SPTBN5: variants seen among roughly 807,000 people sequenced by gnomAD.
SPTBN5 encodes spectrin beta chain, non-erythrocytic 5.
SPTBN5 carries 513 observed loss-of-function variants against 477.6 expected under a neutral mutation model. The ratio of observed to expected loss-of-function variants is 1.07; its 90% CI spans 1.00 to 1.16. The LOEUF (loss-of-function observed/expected upper bound fraction) is 1.16, where lower values mean the gene tolerates loss of function less well. SPTBN5 is among the 50% of genes most tolerant of loss of function. SPTBN5 has a pLI of 0.00. For missense variants in SPTBN5, 5,062 were observed against 4,731.8 expected, an observed-to-expected ratio of 1.07 and a Z score of -2.05; for synonymous variants, 2,169 against 2,011.7, an observed-to-expected ratio of 1.08 and a Z score of -2.09.
At position 41,887,915 on chromosome 15, in the gene SPTBN5, G is replaced by A. The variant is rs867128210; in HGVS notation, c.659+13C>T. On this transcript the variant is annotated intron_variant, in intron 5 of 67. Coordinates refer to ENST00000320955, the MANE Select transcript of SPTBN5 (RefSeq NM_016642.4). ...CAGTGGGCAGAGGCCTCCTGACAAG[G>A]GTGGGGTCACACCTGTGGGCATGGA... is the stretch of plus-strand genomic sequence containing the variant. 4.4e-6 allele frequency: 7 copies of A among 1,605,962 alleles called. No individual in the cohort carries two copies. Among genetic ancestry groups the A allele is most frequent in the Non-Finnish European group, 6.0e-6 (7 of 1,176,442 alleles).
In SPTBN5 at chr15:41,867,055, C is replaced by A; in HGVS notation, c.6384G>T (p.Leu2128=). Residue 2128 remains leucine, a synonymous_variant, in exon 36 of 68, where the codon CTG becomes CTT. Transcript: ENST00000320955. ...GCTCCTTCACTCTCATCCGGCGCTGCAGCAGGATGGGAAGCCGGTCCCGCA... is the reference window on the plus strand; with the variant it reads ...GCTCCTTCACTCTCATCCGGCGCTGAAGCAGGATGGGAAGCCGGTCCCGCA... ...PRVRDRLPIL[L]QRRMRVKELA... is the part of the protein sequence containing the mutation. 6.4e-7 allele frequency: 1 copy of A among 1,551,350 alleles called. No individual in the cohort carries two copies. Among genetic ancestry groups the A allele is most frequent in the South Asian group, 1.2e-5 (1 of 84,234 alleles).
At position 41,857,693 on chromosome 15, in the gene SPTBN5, C is replaced by T. The variant is rs376295429; in HGVS notation, c.8244G>A (p.Leu2748=). 1.6e-4 allele frequency: 248 copies of T among 1,578,000 alleles called. No individual in the cohort carries two copies. In the African/African-American group the frequency reaches 2.7e-3, roughly 17 times the overall value. ...QELQREGQRL[L]QGGHPASEAI... is the part of the protein sequence containing the mutation. ...CCTCCGAGGCTGGGTGGCCCCCCTG[C>T]AGCAGCCTCTGTCCCTCCTGCAGCC... The change falls in exon 50 of 68, where the codon CTG becomes CTA. Residue 2748 remains leucine, a synonymous_variant. Transcript: ENST00000320955.
chr15:41,858,021 G>A (rs531251193), intron 49 of SPTBN5, among the ~76,000 whole-genome samples: 26 of 152,338 alleles, frequency 1.7e-4, no homozygotes, highest in African/African-American at 6.0e-4. Flanking sequence ...GCTATGCTGG[G>A]CACAGTGGCT....
chr15:41,865,786 C>T (rs1240327227), intron 39 of SPTBN5, 22 bp downstream of exon 39: 1 of 1,547,204 alleles, frequency 6.5e-7, no homozygotes, highest in Non-Finnish European at 8.7e-7. Context: ...TGGCCAACCT[C>T]TACCCAGCAA....
chr15:41,876,909 G>C lies in SPTBN5; in HGVS notation c.3751C>G (p.Arg1251Gly), dbSNP rs372410327. 16 of 1,610,136 alleles carry C rather than the reference G, an allele frequency of 9.9e-6. No individual in the cohort carries two copies. The Admixed American group carries it at 2.0e-4, about 20-fold the overall frequency. ...GTGCTCAGGAGCCGCCCAAACTCCC[G>C]GTGCTGCTGCAGCAGGCTCAGGGCC... Reference protein sequence around the residue: ...REALSLLQQHREFGRLLSTLG... With the variant: ...REALSLLQQHGEFGRLLSTLG... Residue 1251 changes from arginine to glycine, a missense_variant, in exon 19 of 68, where the codon CGG becomes GGG. Transcript: ENST00000320955.
intron 58 of SPTBN5, 63 bp from the exon 59 acceptor site, chr15:41,853,510 G>A: frequency 1.3e-6 from 2 of 1,535,730 alleles, no homozygotes; most frequent in Non-Finnish European, 1.8e-6. Flanking sequence ...GGAGGGTCCA[G>A]CTCCCCCAAG....
At position 41,890,137 on chromosome 15, in the gene SPTBN5, G is replaced by C. The variant is rs1308603061; in HGVS notation, c.453C>G (p.Ile151Met). The part of the protein sequence containing the change: ...DGDQTLILGL[I>M]WVIILRFQIS... ...TCTGGAAACGCAGAATGATGACCCA[G>C]ATGAGTCCCAGGATGAGTGTCTGGT... Residue 151 changes from isoleucine (I) to methionine (M), a missense_variant, in exon 4 of 68, where the codon ATC (isoleucine) becomes ATG (methionine). Transcript: ENST00000320955. 1.1e-5 allele frequency: 18 copies of C among 1,613,230 alleles called. No homozygotes were observed. The highest frequency in any genetic ancestry group is 1.4e-5 in the Non-Finnish European group (16 of 1,179,664).
At position 41,883,418 on chromosome 15, in the gene SPTBN5, G is replaced by A. The variant is rs2067043582; in HGVS notation, c.1589C>T (p.Ala530Val). Residue 530 changes from alanine to valine, a missense_variant, in exon 8 of 68, where the codon GCA becomes GTA. Ala to Val is a moderately conservative substitution (Grantham distance 64, BLOSUM62 0). Coordinates refer to ENST00000320955, the MANE Select transcript of SPTBN5 (RefSeq NM_016642.4). ...QHLQGQRKQV[A>V]DMQAVLSLLQ... ...CAGGCTCAGCACAGCCTGCATGTCT[G>A]CCACCTGCTTCCTCTGTCCCTGTAG... is the stretch of plus-strand genomic sequence containing the variant. 1.2e-6 allele frequency: 2 copies of A among 1,613,926 alleles called. No individual in the cohort carries two copies. The highest frequency in any genetic ancestry group is 1.7e-6 in the Non-Finnish European group (2 of 1,179,898).
At chr15:41,872,239 G>A (rs2066568597) in intron 27 of SPTBN5, 63 bp downstream of exon 27, 2 of 1,549,302 alleles carry the variant, frequency 1.3e-6, no homozygotes, top group Admixed American at 1.9e-5. Context: ...CCATGGCATG[G>A]GAACAGTCAG....
rs775815602 is a variant in SPTBN5, at chr15:41,893,057, C to T, written c.221G>A (p.Gly74Asp). 4.3e-6 allele frequency: 7 copies of T among 1,610,628 alleles called. No homozygotes were observed. Among genetic ancestry groups the T allele is most frequent in the Non-Finnish European group, 5.9e-6 (7 of 1,179,612 alleles). Residue 74 changes from glycine (G) to aspartate (D), a missense_variant, in exon 3 of 68, where the codon GGC (glycine) becomes GAC (aspartate). Gly to Asp is a moderately conservative substitution (Grantham distance 94). Coordinates refer to ENST00000320955, the MANE Select transcript of SPTBN5 (RefSeq NM_016642.4). ...TGTGTACAGGTTCCGGATCTTGATGCCCGCCTGGGGAGGGGACAGGGGTAA... is the reference window on the plus strand; with the variant it reads ...TGTGTACAGGTTCCGGATCTTGATGTCCGCCTGGGGAGGGGACAGGGGTAA... ...INNVFQCGQA[G>D]IKIRNLYTEL...
intron 6 of SPTBN5, among the ~76,000 whole-genome samples, chr15:41,887,004 C>T (rs891544011): frequency 1.1e-4 from 17 of 152,248 alleles, no homozygotes; most frequent in African/African-American, 3.9e-4. Flanking sequence ...TACCAGGCAC[C>T]GTGCTGGGTC....
At chr15:41,871,682 G>C in intron 28 of SPTBN5, 100 bp downstream of exon 28, 2 of 1,428,326 alleles carry the variant, frequency 1.4e-6, no homozygotes, top group Non-Finnish European at 1.8e-6. Flanking sequence ...AGGGCTCACC[G>C]CTCTGCTGCC....
chr15:41,882,648 C>T lies in SPTBN5; in HGVS notation c.1983G>A (p.Arg661=), dbSNP rs2067010132. The T allele has an allele frequency of 3.1e-6, 5 of 1,607,532 alleles. No individual in the cohort carries two copies. The South Asian group carries it at 5.6e-5, about 18-fold the overall frequency. The change falls in exon 10 of 68, where the codon CGG becomes CGA. Residue 661 remains arginine (R), a synonymous_variant. Transcript: ENST00000320955. ...CCCGGCCCAGGGCCGCATTCCCCAC[C>T]CGCTGTCCGCACTCCTTCAGCCAGG... is the stretch of plus-strand genomic sequence containing the variant. ...EEAWLKECGQ[R]VGNAALGRDL... is the part of the protein sequence containing the mutation.
chr15:41,855,219 C>T lies in SPTBN5; in HGVS notation c.9423+5G>A, dbSNP rs549667092. 5 of 1,605,870 alleles carry T rather than the reference C, an allele frequency of 3.1e-6. No individual in the cohort carries two copies. In the South Asian group the frequency reaches 4.4e-5, roughly 14 times the overall value. ...CCCCGTGAGGTTTGCTCAGGAGTAA[C>T]TCACCTTGACACCCTCCAGGTCCTG... On this transcript the variant is annotated splice_donor_5th_base_variant and intron_variant, in intron 55 of 67. Transcript: ENST00000320955.
chr15:41,892,898 G>A lies in SPTBN5; in HGVS notation c.380C>T (p.Ala127Val). The A allele has an allele frequency of 6.2e-7, 1 of 1,600,018 alleles. No individual in the cohort carries two copies. The highest frequency in any genetic ancestry group is 8.5e-7 in the Non-Finnish European group (1 of 1,176,506). Residue 127 changes from alanine (A) to valine (V), a missense_variant, in exon 3 of 68, where the codon GCC becomes GTC. Coordinates refer to ENST00000320955, the MANE Select transcript of SPTBN5 (RefSeq NM_016642.4). ...ACCCCTTTCCCTGGGGCCCACCTTGGCCCTGAGGAAGGCCAGAGCTCGGCT... is the reference window on the plus strand; with the variant it reads ...ACCCCTTTCCCTGGGGCCCACCTTGACCCTGAGGAAGGCCAGAGCTCGGCT... ...NSSRALAFLRAKVPVPLIGPE... is the reference protein window; with the variant it reads ...NSSRALAFLRVKVPVPLIGPE...
At position 41,849,026 on chromosome 15, in the gene SPTBN5, C is replaced by T. The variant is rs555367961; in HGVS notation, c.11013-398G>A. Reference sequence around the variant, plus strand: ...AGATGGTTACACTGGAGACCACAGCCGTGGCTGCCACCCCTCATGGTATGA... The same window carrying T: ...AGATGGTTACACTGGAGACCACAGCTGTGGCTGCCACCCCTCATGGTATGA... On this transcript the variant is annotated intron_variant, in intron 67 of 67. Transcript: ENST00000320955. 4.6e-5 allele frequency among the ~76,000 whole-genome samples: 7 copies of T among 152,306 alleles called. No individual in the cohort carries two copies. The South Asian group carries it at 6.2e-4, about 14-fold the overall frequency.
intron 67 of SPTBN5, 109 bp downstream of exon 67, chr15:41,849,760 C>T: frequency 1.2e-6 from 1 of 841,092 alleles, no homozygotes; most frequent in Admixed American, 2.1e-5. Flanking sequence ...TTCCCTACAG[C>T]CCAACAGAGT....
At chr15:41,851,989 C>T (rs2065779566) in intron 62 of SPTBN5, 139 bp from the exon 63 acceptor site, 1 of 916,618 alleles carries the variant, frequency 1.1e-6, no homozygotes, top group African/African-American at 1.7e-5. Flanking sequence ...CTTCTAAGAT[C>T]AGATGAGATC....
Position 41,851,143 on chromosome 15 carries a change from G to A in SPTBN5, c.10751C>T (p.Ala3584Val), listed in dbSNP as rs751985043. Residue 3584 changes from alanine to valine, a missense_variant, in exon 65 of 68, where the codon GCT (alanine) becomes GTT (valine). Transcript: ENST00000320955. ...CGTGAGGTCAAGGAGGGCTATGGAA[G>A]CTACTTTCTGAGGAGAGATGAGAGG... ...LDERMAAEKV[A>V]SIALLDLTGA... 3.7e-6 allele frequency: 6 copies of A among 1,612,930 alleles called. No homozygotes were observed. The highest frequency in any genetic ancestry group is 3.3e-5 in the Admixed American group (2 of 59,954).
Sources: gnomAD v4.1 joint callset for allele counts (sites outside exome capture counted in the v4.1 genomes callset) on GRCh38, gnomAD v4.1.1 for gene constraint, MANE v1.5 for transcripts, NCBI Gene and HGNC (gene_info 2026-07-23, HGNC 2026-07-21) for gene names.